RARB: variants seen among roughly 807,000 people sequenced by gnomAD.
RARB encodes the protein retinoic acid receptor beta, also known as HBV-activated protein.
RARB carries 17 observed loss-of-function variants against 51.9 expected under a neutral mutation model. That is an observed-to-expected ratio of 0.33 (90% CI 0.22 to 0.49). RARB has a LOEUF of 0.49. RARB is among the 20% of genes least tolerant of loss of function. The pLI is 0.99. For missense variants in RARB, 369 were observed against 550.8 expected (o/e 0.67, Z 3.30); for synonymous variants, 215 against 195.4 (o/e 1.10, Z -0.84).
chr3:25,012,424 C>T (rs1171024293), intron 2 of RARB, among the ~76,000 whole-genome samples: 2 of 152,116 alleles, frequency 1.3e-5, no homozygotes, highest in African/African-American at 4.8e-5. Flanking sequence ...GTATTTCTAA[C>T]AAGCTCCATG....
intron 2 of RARB, among the ~76,000 whole-genome samples, chr3:24,874,503 T>A (rs1703006331): frequency 6.6e-6 from 1 of 152,090 alleles, no homozygotes; most frequent in African/African-American, 2.4e-5. Flanking sequence ...TAAGTTTACG[T>A]ACAGCTTGTT....
At chr3:25,234,393 G>T (rs1364702839) in intron 5 of RARB, among the ~76,000 whole-genome samples, 4 of 151,988 alleles carry the variant, frequency 2.6e-5, no homozygotes, top group Admixed American at 6.6e-5. Context: ...TTAGTAAGTT[G>T]CATCTCCTCT....
chr3:25,319,798 G>T (rs1704518116), intron 5 of RARB, among the ~76,000 whole-genome samples: 2 of 152,142 alleles, frequency 1.3e-5, no homozygotes, highest in African/African-American at 4.8e-5. Context: ...AGTGGATTCT[G>T]TACTGTGTGA....
intron 2 of RARB, among the ~76,000 whole-genome samples, chr3:24,975,769 AT>A (rs71622790): frequency 0.22 from 32,266 of 149,560 alleles, 3,797 homozygotes; most frequent in East Asian, 0.39. Flanking sequence ...GTTGGCTGTG[AT>A]TTTTTTTTTG....
At chr3:24,992,897 C>T (rs1575109528) in intron 2 of RARB, among the ~76,000 whole-genome samples, 1 of 152,084 alleles carries the variant, frequency 6.6e-6, no homozygotes. Flanking sequence ...ACAGTTCAAC[C>T]AATTGCATAG....
At chr3:24,892,773 A>G (rs1241350051) in intron 2 of RARB, among the ~76,000 whole-genome samples, 2 of 152,206 alleles carry the variant, frequency 1.3e-5, no homozygotes, top group Non-Finnish European at 2.9e-5. Context: ...AACATATACT[A>G]TTACAAGAAA....
upstream of RARB, among the ~76,000 whole-genome samples, chr3:25,425,373 T>C (rs189467336): frequency 2.9e-3 from 440 of 152,314 alleles, 1 homozygote; most frequent in Middle Eastern, 0.01. Flanking sequence ...AGTGTAAGCA[T>C]TTACTGATGA....
intron 2 of RARB, among the ~76,000 whole-genome samples, chr3:24,919,315 CTT>C (rs973623142): frequency 6.6e-6 from 1 of 152,192 alleles, no homozygotes; most frequent in African/African-American, 2.4e-5. Flanking sequence ...AAAGCTGCCT[CTT>C]TACGTATGTG....
intron 5 of RARB, among the ~76,000 whole-genome samples, chr3:25,246,430 G>T (rs1353924406): frequency 6.6e-6 from 1 of 152,084 alleles, no homozygotes; most frequent in Non-Finnish European, 1.5e-5. Context: ...CCGCCTTTTT[G>T]TGCTTGTTTT....
At chr3:25,269,411 G>A (rs1271509997) in intron 5 of RARB, among the ~76,000 whole-genome samples, 1 of 152,184 alleles carries the variant, frequency 6.6e-6, no homozygotes, top group African/African-American at 2.4e-5. Flanking sequence ...AAACTCTGGA[G>A]TCCAACTACC....
intron 1 of RARB, among the ~76,000 whole-genome samples, chr3:25,447,043 T>G (rs1456929469): frequency 6.6e-6 from 1 of 151,968 alleles, no homozygotes; most frequent in African/African-American, 2.4e-5. Flanking sequence ...ATCGTGTTAA[T>G]AATCCTTGCT....
At chr3:24,984,270 G>A (rs1024059928) in intron 2 of RARB, among the ~76,000 whole-genome samples, 9 of 152,146 alleles carry the variant, frequency 5.9e-5, no homozygotes, top group African/African-American at 2.2e-4. Context: ...TAGCAACATG[G>A]AAATGCACAT....
chr3:25,480,043 A>G (rs1012526906), intron 2 of RARB, among the ~76,000 whole-genome samples: 3 of 152,210 alleles, frequency 2.0e-5, no homozygotes, highest in Admixed American at 1.3e-4. Flanking sequence ...GATGAGGCGG[A>G]ATATTGTAGA....
intron 2 of RARB, among the ~76,000 whole-genome samples, chr3:25,495,159 T>C (rs1332018348): frequency 6.6e-6 from 1 of 152,180 alleles, no homozygotes; most frequent in African/African-American, 2.4e-5. Flanking sequence ...TGGAGATTAT[T>C]GTGTGTGATA....
intron 5 of RARB, among the ~76,000 whole-genome samples, chr3:25,246,298 C>G (rs1702559731): frequency 6.6e-6 from 1 of 151,950 alleles, no homozygotes; most frequent in Admixed American, 6.6e-5. Context: ...TTGTTATTAC[C>G]CATCTTCTGA....
chr3:25,081,259 G>A (rs1024162140), intron 3 of RARB, among the ~76,000 whole-genome samples: 1 of 151,712 alleles, frequency 6.6e-6, no homozygotes, highest in Non-Finnish European at 1.5e-5. Flanking sequence ...ATTGAATTCA[G>A]GTATGTTCAG....
intron 2 of RARB, 147 bp from the exon 3 acceptor site, chr3:25,501,035 G>A: frequency 1.1e-6 from 1 of 911,568 alleles, no homozygotes; most frequent in South Asian, 2.1e-5. Context: ...ATCTCACGAG[G>A]ATTTTAAGGT....
intron 2 of RARB, among the ~76,000 whole-genome samples, chr3:25,469,002 G>A (rs1329173878): frequency 1.3e-5 from 2 of 152,220 alleles, no homozygotes; most frequent in Non-Finnish European, 2.9e-5. Context: ...GCTTGCTGAA[G>A]GTCACATTGG....
intron 5 of RARB, among the ~76,000 whole-genome samples, chr3:25,202,308 A>G (rs1301591097): frequency 2.0e-5 from 3 of 151,790 alleles, no homozygotes; most frequent in Admixed American, 6.6e-5. Context: ...CATTGCGTCT[A>G]TTTGATTCTT....
Sources: gnomAD v4.1 joint callset for allele counts (sites outside exome capture counted in the v4.1 genomes callset) on GRCh38, gnomAD v4.1.1 for gene constraint, MANE v1.5 for transcripts, NCBI Gene and HGNC (gene_info 2026-07-23, HGNC 2026-07-21) for gene names.